Variants in GRID2 observed in about 807,000 individuals in gnomAD.
GRID2 encodes the protein glutamate ionotropic receptor delta type subunit 2.
GRID2 carries 33 observed loss-of-function variants against 114.8 expected under a neutral mutation model. That is an observed-to-expected ratio of 0.29 (90% confidence interval 0.22 to 0.38). The LOEUF (loss-of-function observed/expected upper bound fraction) is 0.38. Ranked by LOEUF, GRID2 falls within the 10% of genes least tolerant of loss-of-function variation. The pLI is 1.00. For synonymous variants in GRID2, 505 were observed against 449.9 expected, an observed-to-expected ratio of 1.12 and a Z score of -1.55; for missense variants, 1,184 against 1,257.7, an observed-to-expected ratio of 0.94 and a Z score of 0.89.
At chr4:93,420,439 C>T (rs1768143699) in intron 9 of GRID2, among the ~76,000 whole-genome samples, 1 of 152,140 alleles carries the variant, frequency 6.6e-6, no homozygotes, top group Non-Finnish European at 1.5e-5. Context: ...GTCGCAAATT[C>T]TGCCAATTGT....
intron 1 of GRID2, among the ~76,000 whole-genome samples, chr4:92,460,053 T>TATATATATATATATATATATATACAC (rs1032538170): frequency 1.0e-5 from 1 of 99,802 alleles, no homozygotes; most frequent in South Asian, 4.0e-4. Context: ...TATATATATA[T>TATATATATATATATATATATATACAC]ACACACACAA....
At chr4:93,042,671 C>T (rs111841027) in intron 2 of GRID2, among the ~76,000 whole-genome samples, 2 of 140,806 alleles carry the variant, frequency 1.4e-5, no homozygotes, top group Non-Finnish European at 3.1e-5. Flanking sequence ...ATCTCTCTCT[C>T]TATATATCTA....
At chr4:93,426,699 T>A (rs1382067701) in intron 10 of GRID2, among the ~76,000 whole-genome samples, 1 of 152,080 alleles carries the variant, frequency 6.6e-6, no homozygotes, top group Admixed American at 6.6e-5. Context: ...AATAGAATGT[T>A]CTTCATAAAC....
At chr4:92,505,091 G>C (rs961146795) in intron 1 of GRID2, among the ~76,000 whole-genome samples, 2 of 152,014 alleles carry the variant, frequency 1.3e-5, no homozygotes, top group African/African-American at 4.8e-5. Context: ...TACAAAACTT[G>C]AGAGCTTTTA....
chr4:92,662,156 A>C (rs1366119951), intron 2 of GRID2, among the ~76,000 whole-genome samples: 2 of 151,034 alleles, frequency 1.3e-5, no homozygotes, highest in African/African-American at 4.8e-5. Flanking sequence ...ATCATTATTA[A>C]GTAATGCAAT....
At position 93,483,163 on chromosome 4, in the gene GRID2, TG is replaced by T. The variant is rs143159220; in HGVS notation, c.1859-7475del. Among the ~76,000 whole-genome samples the T allele has an allele frequency of 5.5e-3, 830 of 152,144 alleles. 5 individuals are homozygous for T. Among genetic ancestry groups the T allele is most frequent in the African/African-American group, 0.019 (796 of 41,540 alleles). ...AAATTCCAACAATATCATCTTTCTTTGTTTTTCTACATTGTGATTCTGTAAG... is the reference window on the plus strand; with the variant it reads ...AAATTCCAACAATATCATCTTTCTTTTTTTTCTACATTGTGATTCTGTAAG... On this transcript the variant is annotated intron_variant, in intron 11 of 15. Transcript: ENST00000282020.
Position 93,514,406 on chromosome 4 carries a change from C to T in GRID2, c.1998-810C>T, listed in dbSNP as rs542629799. On this transcript the variant is annotated intron_variant, in intron 12 of 15. Transcript: ENST00000282020. ...TATTCTCATCCAAATAGAAATCGCT[C>T]CCCCCACCTCCACAGTACACACACA... 4.9e-4 allele frequency among the ~76,000 whole-genome samples: 73 copies of T among 148,362 alleles called. 1 individual carries two copies. In the South Asian group the frequency reaches 0.013, roughly 26 times the overall value.
At chr4:92,349,018 T>C (rs1727927608) in intron 1 of GRID2, among the ~76,000 whole-genome samples, 1 of 151,958 alleles carries the variant, frequency 6.6e-6, no homozygotes, top group African/African-American at 2.4e-5. Flanking sequence ...GCTTTTTTTT[T>C]TGAGTGCCTA....
chr4:93,578,536 GAT>G (rs1427793112), intron 13 of GRID2, among the ~76,000 whole-genome samples: 6 of 150,026 alleles, frequency 4.0e-5, no homozygotes, highest in African/African-American at 1.5e-4. Context: ...TCGGAAAGCT[GAT>G]ATATAGGTAT....
At chr4:92,698,422 T>C (rs1383990967) in intron 2 of GRID2, among the ~76,000 whole-genome samples, 1 of 151,976 alleles carries the variant, frequency 6.6e-6, no homozygotes, top group Non-Finnish European at 1.5e-5. Flanking sequence ...CCTGTTTCAG[T>C]CACTGACATG....
intron 1 of GRID2, among the ~76,000 whole-genome samples, chr4:93,792,338 T>C (rs1230583018): frequency 7.9e-5 from 12 of 152,106 alleles, no homozygotes; most frequent in Non-Finnish European, 4.4e-5. Flanking sequence ...TACACATCTG[T>C]ACCTTTAATT....
rs566119270 is a variant in GRID2, at chr4:93,292,558, A to G, written c.1245+54068A>G. 1.3e-3 allele frequency among the ~76,000 whole-genome samples: 195 copies of G among 152,358 alleles called. 1 individual carries two copies. Among genetic ancestry groups the G allele is most frequent in the African/African-American group, 4.3e-3 (179 of 41,574 alleles). On this transcript the variant is annotated intron_variant, in intron 8 of 15. Transcript: ENST00000282020. ...AAAGCTGGGGACAATTTTTGAACTC[A>G]TATAAATTTGTGCCAGCAACTAAAT...
chr4:93,741,187 A>ATATATATATG (rs1731368489), intron 14 of GRID2, among the ~76,000 whole-genome samples: 1 of 32,694 alleles, frequency 3.1e-5, no homozygotes, highest in African/African-American at 9.5e-5. Context: ...ATATATATAT[A>ATATATATATG]TATATATATA....
At chr4:93,726,916 T>C (rs1422350974) in intron 14 of GRID2, among the ~76,000 whole-genome samples, 1 of 152,238 alleles carries the variant, frequency 6.6e-6, no homozygotes, top group African/African-American at 2.4e-5. Flanking sequence ...AGATATACAA[T>C]CATGTCATCT....
In GRID2 at chr4:93,569,929, CAAT is replaced by C. The variant is rs148415046; in HGVS notation, c.2193+54520_2193+54522del. On this transcript the variant is annotated intron_variant, in intron 13 of 15. Coordinates refer to ENST00000282020, the MANE Select transcript of GRID2 (RefSeq NM_001510.4). ...TAAATTACTGCAGTTATTTTCTTCA[CAAT>C]ATTTGTTATTATGTCACATTAACTT... 5.6e-3 allele frequency among the ~76,000 whole-genome samples: 859 copies of C among 152,238 alleles called. 5 individuals carry two copies. Among genetic ancestry groups the C allele is most frequent in the African/African-American group, 0.02 (822 of 41,542 alleles).
At chr4:93,128,027 C>CAAAAAAAAAAAAAAAAAAAAAAAAAAA (rs1008311457) in intron 4 of GRID2, among the ~76,000 whole-genome samples, 1 of 20,342 alleles carries the variant, frequency 4.9e-5, no homozygotes, top group African/African-American at 1.7e-4. Flanking sequence ...TCCCCCGCAA[C>CAAAAAAAAAAAAAAAAAAAAAAAAAAA]AAAAAAAAAA....
rs371742998 is a variant in GRID2, at chr4:93,354,629, G to A, written c.1246-40978G>A. On this transcript the variant is annotated intron_variant, in intron 8 of 15. Transcript: ENST00000282020. The stretch of plus-strand genomic sequence containing the variant: ...CGTGATTTTAAACTACGCTAAAGTA[G>A]GTATAAAGTTCAGATTATTTACTCC... 2.8e-4 allele frequency among the ~76,000 whole-genome samples: 42 copies of A among 148,674 alleles called. 2 individuals carry two copies. In the East Asian group the frequency reaches 8.0e-3, roughly 28 times the overall value.
intron 14 of GRID2, among the ~76,000 whole-genome samples, chr4:93,739,921 A>G (rs1731230622): frequency 6.6e-6 from 1 of 152,152 alleles, no homozygotes; most frequent in African/African-American, 2.4e-5. Context: ...TATAAAATTC[A>G]TCTTCATAAA....
chr4:92,927,589 C>T (rs566963703), intron 2 of GRID2, among the ~76,000 whole-genome samples: 3 of 151,852 alleles, frequency 2.0e-5, no homozygotes, highest in African/African-American at 7.2e-5. Flanking sequence ...GTTTACTGGA[C>T]AGTAACCATG....
Sources: gnomAD v4.1 joint callset for allele counts (sites outside exome capture counted in the v4.1 genomes callset) on GRCh38, gnomAD v4.1.1 for gene constraint, MANE v1.5 for transcripts, NCBI Gene and HGNC (gene_info 2026-07-23, HGNC 2026-07-21) for gene names.